Variants in MYO10 observed in about 807,000 individuals in gnomAD.
The protein encoded by MYO10 is myosin X.
Under a neutral mutation model 257.3 loss-of-function variants are expected in MYO10, and 133 were observed. The observed-to-expected ratio is 0.52, with a 90% CI of 0.45 to 0.60. The LOEUF is 0.60. Ranked by LOEUF, MYO10 falls within the 20% of genes least tolerant of loss-of-function variation. The pLI, the probability that MYO10 is intolerant of heterozygous loss-of-function variation, is 0.00. For synonymous variants in MYO10, 1,104 were observed against 1,028.6 expected (o/e 1.07, Z -1.40); for missense variants, 2,399 against 2,635.7 (o/e 0.91, Z 1.97).
At chr5:16,770,580 C>T (rs182521503) in intron 9 of MYO10, among the ~76,000 whole-genome samples, 3 of 152,216 alleles carry the variant, frequency 2.0e-5, no homozygotes, top group East Asian at 3.9e-4. Flanking sequence ...AAACCAGACA[C>T]GTACACACAA....
chr5:16,766,833 G>A (rs933821488), intron 10 of MYO10, among the ~76,000 whole-genome samples: 14 of 143,608 alleles, frequency 9.7e-5, no homozygotes, highest in Non-Finnish European at 1.6e-4. Flanking sequence ...ACGGTGGCAT[G>A]ATCTCAGCTC....
intron 19 of MYO10, among the ~76,000 whole-genome samples, chr5:16,733,866 C>T (rs751731602): frequency 2.6e-5 from 4 of 152,098 alleles, no homozygotes; most frequent in Non-Finnish European, 4.4e-5. Context: ...GGCTCGGCAT[C>T]GCAGCATCCA....
intron 28 of MYO10, among the ~76,000 whole-genome samples, chr5:16,689,172 T>C (rs1327471203): frequency 6.6e-6 from 1 of 152,246 alleles, no homozygotes; most frequent in Admixed American, 6.5e-5. Context: ...TGGATGATGG[T>C]AATAATTAAT....
In MYO10 at chr5:16,661,996, T is replaced by C. The variant is rs530368996; in HGVS notation, c.*4696A>G. 1 of 152,290 alleles carries C rather than the reference T, an allele frequency of 6.6e-6. No individual in the cohort carries two copies. Among genetic ancestry groups the C allele is most frequent in the South Asian group, 2.1e-4 (1 of 4,824 alleles). The allele number at this position is 152,290 out of a possible 1,614,324, so 9.4% of individuals were successfully genotyped here. A position where few individuals can be genotyped will look rare whatever the true frequency, so the allele number is the denominator to read the frequency against. The stretch of plus-strand genomic sequence containing the variant: ...GTTCACTGACCCCTGATCTAAAAGA[T>C]TACATACTTTGAAAACAGCAATGCC... On this transcript the variant is annotated 3_prime_UTR_variant, in exon 41 of 41. Coordinates refer to ENST00000513610, the MANE Select transcript of MYO10 (RefSeq NM_012334.3).
At chr5:16,913,996 C>G (rs960381768) in intron 1 of MYO10, among the ~76,000 whole-genome samples, 1 of 152,208 alleles carries the variant, frequency 6.6e-6, no homozygotes, top group Non-Finnish European at 1.5e-5. Context: ...TACAACACAG[C>G]TAACCTGGGC....
At chr5:16,815,971 T>C (rs1341676839) in intron 3 of MYO10, among the ~76,000 whole-genome samples, 1 of 151,266 alleles carries the variant, frequency 6.6e-6, no homozygotes, top group Non-Finnish European at 1.5e-5. Context: ...TGAATTTCTC[T>C]GGACAGGGCT....
At chr5:16,915,363 G>A (rs1213708698) in intron 1 of MYO10, among the ~76,000 whole-genome samples, 1 of 152,092 alleles carries the variant, frequency 6.6e-6, no homozygotes, top group African/African-American at 2.4e-5. Flanking sequence ...CACAGCAAAT[G>A]GCACCAAATA....
chr5:16,814,017 C>G (rs942082306), intron 3 of MYO10, among the ~76,000 whole-genome samples: 2 of 152,184 alleles, frequency 1.3e-5, no homozygotes, highest in Admixed American at 1.3e-4. Flanking sequence ...TGAATTCAGC[C>G]AACGACACAA....
chr5:16,928,444 C>T (rs1030058777), intron 1 of MYO10, among the ~76,000 whole-genome samples: 4 of 152,154 alleles, frequency 2.6e-5, no homozygotes, highest in East Asian at 1.9e-4. Flanking sequence ...CCACCTGCCT[C>T]GGCCTCCCAA....
Position 16,887,245 on chromosome 5 carries a change from G to A in MYO10, c.22-9538C>T, listed in dbSNP as rs566202280. On this transcript the variant is annotated intron_variant, in intron 1 of 40. Coordinates refer to ENST00000513610, the MANE Select transcript of MYO10 (RefSeq NM_012334.3). ...CCAGAGGATAACATGAAAAGTTTACGATAGTAAGAGGTGGAGAGGAAAAGA... is the reference window on the plus strand; with the variant it reads ...CCAGAGGATAACATGAAAAGTTTACAATAGTAAGAGGTGGAGAGGAAAAGA... Among the ~76,000 whole-genome samples the A allele has an allele frequency of 5.3e-5, 8 of 152,300 alleles. No individual in the cohort carries two copies. The East Asian group carries it at 7.7e-4, about 15-fold the overall frequency.
chr5:16,776,264 AT>A (rs1055919118), intron 9 of MYO10, among the ~76,000 whole-genome samples: 7 of 151,058 alleles, frequency 4.6e-5, no homozygotes, highest in Admixed American at 3.3e-4. Context: ...AAAGGAATAT[AT>A]TTTCCTCCCT....
At chr5:16,803,193 A>G (rs1447571358) in intron 3 of MYO10, among the ~76,000 whole-genome samples, 1 of 152,164 alleles carries the variant, frequency 6.6e-6, no homozygotes, top group Non-Finnish European at 1.5e-5. Flanking sequence ...TGGGAGGCCG[A>G]GGCGGGAGGA....
intron 21 of MYO10, 107 bp from the exon 22 acceptor site, chr5:16,704,792 T>G (rs1452511453): frequency 4.7e-5 from 38 of 815,878 alleles, no homozygotes; most frequent in Non-Finnish European, 6.8e-5. Flanking sequence ...TTCTCTTAGT[T>G]TGATCCACCA....
At chr5:16,703,679 C>T (rs1738193309) in intron 22 of MYO10, among the ~76,000 whole-genome samples, 1 of 151,896 alleles carries the variant, frequency 6.6e-6, no homozygotes, top group Admixed American at 6.6e-5. Flanking sequence ...GTCAAGAGAT[C>T]GAGACCATCC....
At position 16,701,943 on chromosome 5, in the gene MYO10, G is replaced by C. The variant is rs1738101635; in HGVS notation, c.2557-105C>G. 3 of 1,322,070 alleles carry C rather than the reference G, an allele frequency of 2.3e-6. No individual in the cohort carries two copies. The highest frequency in any genetic ancestry group is 3.1e-6 in the Non-Finnish European group (3 of 982,172). 81.9% of individuals were successfully genotyped at this position (1,322,070 alleles called of 1,614,324 possible). A position where few individuals can be genotyped will look rare whatever the true frequency, so the allele number is the denominator to read the frequency against. On this transcript the variant is annotated intron_variant, in intron 24 of 40. Coordinates refer to ENST00000513610, the MANE Select transcript of MYO10 (RefSeq NM_012334.3). The surrounding 1 kb of genome is among the most constrained non-coding windows in gnomAD (Gnocchi z 8.1). ...AAATATGGTCATTATGAGTTGGACT[G>C]TGTCCCCATAAAGTCTATAGGTTGA... is the stretch of plus-strand genomic sequence containing the variant.
chr5:16,885,772 G>A (rs990814485), intron 1 of MYO10, among the ~76,000 whole-genome samples: 2 of 152,106 alleles, frequency 1.3e-5, no homozygotes, highest in African/African-American at 2.4e-5. Flanking sequence ...GAGCCACAAG[G>A]ATGAGGGAGC....
intron 11 of MYO10, among the ~76,000 whole-genome samples, chr5:16,765,375 T>G (rs1366939661): frequency 1.3e-5 from 2 of 152,174 alleles, no homozygotes; most frequent in African/African-American, 4.8e-5. Context: ...GGACTCCAAG[T>G]TCTTCAGTTT....
intron 2 of MYO10, among the ~76,000 whole-genome samples, chr5:16,867,329 C>T (rs77495464): frequency 0.046 from 6,998 of 152,252 alleles, 217 homozygotes; most frequent in South Asian, 0.15. Context: ...CATTTTCCTG[C>T]ATTCAACAGG....
At chr5:16,897,747 AC>A (rs1745256335) in intron 1 of MYO10, among the ~76,000 whole-genome samples, 1 of 152,202 alleles carries the variant, frequency 6.6e-6, no homozygotes, top group African/African-American at 2.4e-5. Context: ...GTCATGGGCT[AC>A]AAGATCTAGC....
Sources: allele counts gnomAD v4.1 joint callset (sites outside exome capture counted in the v4.1 genomes callset), GRCh38; gene constraint gnomAD v4.1.1; non-coding constraint Gnocchi (gnomAD v3.1); transcripts MANE v1.5; gene names NCBI Gene and HGNC (gene_info 2026-07-23, HGNC 2026-07-21).